Variants in NRG3 observed in about 807,000 individuals in gnomAD.
NRG3 encodes the protein neuregulin 3.
A neutral mutation model predicts 66.9 loss-of-function variants in NRG3; 31 were observed. That is an observed-to-expected ratio of 0.46 (90% confidence interval 0.35 to 0.63). NRG3 has a LOEUF of 0.63. Ranked by LOEUF, NRG3 falls within the 20% of genes least tolerant of loss-of-function variation. The pLI is 0.00. For missense variants in NRG3, 910 were observed against 878.9 expected, an observed-to-expected ratio of 1.04 and a Z score of -0.45; for synonymous variants, 393 against 359.4, an observed-to-expected ratio of 1.09 and a Z score of -1.06.
intron 2 of NRG3, among the ~76,000 whole-genome samples, chr10:82,364,533 A>G (rs1170039085): frequency 6.6e-6 from 1 of 152,196 alleles, no homozygotes; most frequent in Non-Finnish European, 1.5e-5. Context: ...GGTGCTATGT[A>G]TAATATACTG....
chr10:82,010,318 G>A lies in NRG3; in HGVS notation c.823+134155G>A, dbSNP rs117496781. ...ACACTGTGCTGTTGTAAAAGGGGCC[G>A]TCTCTCCCTCTTTCAGTCTTAATGG... On this transcript the variant is annotated intron_variant, in intron 1 of 8. Transcript: ENST00000372141. 3.2e-3 allele frequency among the ~76,000 whole-genome samples: 489 copies of A among 152,208 alleles called. 2 individuals carry two copies. Among genetic ancestry groups the A allele is most frequent in the South Asian group, 7.5e-3 (36 of 4,826 alleles).
At chr10:82,153,453 C>G (rs1277610462) in intron 1 of NRG3, among the ~76,000 whole-genome samples, 2 of 133,066 alleles carry the variant, frequency 1.5e-5, no homozygotes, top group Non-Finnish European at 3.2e-5. Context: ...TTTCTTTATC[C>G]TTTGATCATT....
intron 4 of NRG3, among the ~76,000 whole-genome samples, chr10:82,910,368 G>A (rs1427719086): frequency 6.6e-6 from 1 of 152,198 alleles, no homozygotes; most frequent in African/African-American, 2.4e-5. Flanking sequence ...AGCTACTAGA[G>A]GAATTAAGAA....
chr10:82,344,160 C>A (rs1267564600), intron 1 of NRG3, among the ~76,000 whole-genome samples: 1 of 149,664 alleles, frequency 6.7e-6, no homozygotes, highest in African/African-American at 2.5e-5. Flanking sequence ...TGTGCTGCAC[C>A]CACTAACTCG....
chr10:82,508,489 C>A (rs952752378), intron 2 of NRG3, among the ~76,000 whole-genome samples: 4 of 152,124 alleles, frequency 2.6e-5, no homozygotes, highest in African/African-American at 9.6e-5. Context: ...ACCAAAAATC[C>A]AGAGACAATC....
chr10:82,967,709 G>T (rs1851338471), intron 6 of NRG3, among the ~76,000 whole-genome samples: 1 of 152,204 alleles, frequency 6.6e-6, no homozygotes. Flanking sequence ...TACTACAGGA[G>T]TAGGCAATTG....
intron 1 of NRG3, among the ~76,000 whole-genome samples, chr10:82,188,906 C>A (rs568224241): frequency 2.0e-5 from 3 of 151,774 alleles, no homozygotes; most frequent in South Asian, 4.2e-4. Context: ...TACTTTATTG[C>A]AAATTTTAAA....
At chr10:81,963,938 C>T (rs1442949493) in intron 1 of NRG3, among the ~76,000 whole-genome samples, 1 of 152,154 alleles carries the variant, frequency 6.6e-6, no homozygotes, top group Non-Finnish European at 1.5e-5. Flanking sequence ...TCTGTGTTTT[C>T]GTAGCATTTG....
chr10:82,062,900 T>G (rs1198520039), intron 1 of NRG3, among the ~76,000 whole-genome samples: 1 of 152,198 alleles, frequency 6.6e-6, no homozygotes, highest in Admixed American at 6.5e-5. Flanking sequence ...TCTGTGCTTC[T>G]GGAGTGGTTT....
At chr10:82,171,495 G>T (rs1011553434) in intron 1 of NRG3, among the ~76,000 whole-genome samples, 6 of 152,110 alleles carry the variant, frequency 3.9e-5, no homozygotes, top group African/African-American at 1.4e-4. Context: ...ATGATGGAAG[G>T]GGAAGCAGTT....
intron 2 of NRG3, among the ~76,000 whole-genome samples, chr10:82,596,968 C>T (rs1433563504): frequency 6.6e-6 from 1 of 152,192 alleles, no homozygotes; most frequent in African/African-American, 2.4e-5. Context: ...TCCCCCCACC[C>T]TGTGGTTTTT....
intron 1 of NRG3, among the ~76,000 whole-genome samples, chr10:82,079,660 G>A (rs999912716): frequency 6.6e-6 from 1 of 152,092 alleles, no homozygotes; most frequent in Non-Finnish European, 1.5e-5. Flanking sequence ...GCAATCACTG[G>A]TCTTTTTACT....
chr10:82,712,418 AC>A (rs1419628984), intron 2 of NRG3, among the ~76,000 whole-genome samples: 3 of 152,356 alleles, frequency 2.0e-5, no homozygotes, highest in Non-Finnish European at 4.4e-5. Flanking sequence ...TGTAATAGTT[AC>A]ATAGGGCTGT....
At chr10:82,638,498 G>A (rs1248436053) in intron 2 of NRG3, among the ~76,000 whole-genome samples, 1 of 152,110 alleles carries the variant, frequency 6.6e-6, no homozygotes, top group African/African-American at 2.4e-5. Context: ...GTTTGACCTG[G>A]AGGCCGAAAT....
chr10:82,317,715 C>G (rs1425314992), intron 1 of NRG3, among the ~76,000 whole-genome samples: 1 of 152,136 alleles, frequency 6.6e-6, no homozygotes, highest in Non-Finnish European at 1.5e-5. Flanking sequence ...AGCTGTCGAT[C>G]AAGAAAAATA....
intron 3 of NRG3, among the ~76,000 whole-genome samples, chr10:82,801,830 G>C (rs1426551021): frequency 1.3e-5 from 2 of 152,120 alleles, no homozygotes; most frequent in Admixed American, 6.5e-5. Flanking sequence ...TGATGTGATG[G>C]TAAATTCAGA....
intron 1 of NRG3, among the ~76,000 whole-genome samples, chr10:82,167,789 T>G (rs1188569573): frequency 2.6e-5 from 4 of 152,230 alleles, no homozygotes; most frequent in Admixed American, 2.6e-4. Flanking sequence ...TTTCTCATTT[T>G]AAAAACTCCA....
chr10:82,459,072 T>C (rs916527660), intron 2 of NRG3, among the ~76,000 whole-genome samples: 1 of 152,138 alleles, frequency 6.6e-6, no homozygotes, highest in Non-Finnish European at 1.5e-5. Flanking sequence ...TGCTACCAAA[T>C]AGGCCTTCTT....
chr10:82,167,805 A>C (rs972760817), intron 1 of NRG3, among the ~76,000 whole-genome samples: 1 of 152,112 alleles, frequency 6.6e-6, no homozygotes, highest in African/African-American at 2.4e-5. Flanking sequence ...CTCCAAATAC[A>C]TAAAGATTAT....
Sources: allele counts gnomAD v4.1 joint callset (sites outside exome capture counted in the v4.1 genomes callset), GRCh38; gene constraint gnomAD v4.1.1; transcripts MANE v1.5; gene names NCBI Gene and HGNC (gene_info 2026-07-23, HGNC 2026-07-21).